The following THSD4 variants were observed in gnomAD, a reference collection of about 807,000 sequenced individuals.
THSD4 encodes the protein thrombospondin type-1 domain-containing protein 4.
Under a neutral mutation model 119.0 loss-of-function variants are expected in THSD4, and 69 were observed. That is an observed-to-expected ratio of 0.58 (90% CI 0.48 to 0.71). The LOEUF (loss-of-function observed/expected upper bound fraction) is 0.71, where lower values mean the gene tolerates loss of function less well. THSD4 is among the 30% of genes least tolerant of loss of function. The pLI is 0.00. For synonymous variants in THSD4, 524 were observed against 540.4 expected (o/e 0.97, Z 0.42); for missense variants, 1,393 against 1,391.1 (o/e 1.00, Z -0.02).
At chr15:71,411,537 T>A (rs1363649308) in intron 6 of THSD4, 150 bp from the exon 7 acceptor site, 1 of 755,180 alleles carries the variant, frequency 1.3e-6, no homozygotes, top group Non-Finnish European at 2.1e-6. Flanking sequence ...GAAGACTTAT[T>A]GAACTGTATA....
chr15:71,240,470 A>G (rs1440665396), intron 4 of THSD4, among the ~76,000 whole-genome samples: 2 of 152,174 alleles, frequency 1.3e-5, no homozygotes, highest in Admixed American at 6.5e-5. Flanking sequence ...GGCATCTCCC[A>G]GGAGCTTGTT....
At chr15:71,764,948 TC>T in intron 15 of THSD4, 71 bp from the exon 16 acceptor site, 1 of 1,524,216 alleles carries the variant, frequency 6.6e-7, no homozygotes. Flanking sequence ...GTCATAAGCA[TC>T]CCTTGATGGA....
rs79768555 is a variant in THSD4 at position 71,655,516 on chromosome 15, A to G, written c.1153-5014A>G. 9.2e-3 allele frequency among the ~76,000 whole-genome samples: 1,407 copies of G among 152,326 alleles called. 29 individuals are homozygous for G. The highest frequency in any genetic ancestry group is 0.032 in the African/African-American group (1,332 of 41,576). On this transcript the variant is annotated intron_variant, in intron 7 of 17. Transcript: ENST00000261862. Reference sequence around the variant, plus strand: ...TTCAGACAAAATAAAATACATAAAGACAAAGATGACAAAACCCAGCATTTT... The same window carrying G: ...TTCAGACAAAATAAAATACATAAAGGCAAAGATGACAAAACCCAGCATTTT...
At chr15:71,226,543 C>T (rs1396459124) in intron 4 of THSD4, among the ~76,000 whole-genome samples, 1 of 152,204 alleles carries the variant, frequency 6.6e-6, no homozygotes, top group African/African-American at 2.4e-5. Flanking sequence ...TTTTTCAGCT[C>T]CTCCTTTCCC....
At chr15:71,234,409 A>C (rs912722801) in intron 4 of THSD4, among the ~76,000 whole-genome samples, 1 of 152,154 alleles carries the variant, frequency 6.6e-6, no homozygotes, top group Non-Finnish European at 1.5e-5. Context: ...GGTTCAAGCA[A>C]TTCTTGTGCC....
At chr15:71,476,551 T>A (rs1315108413) in intron 7 of THSD4, among the ~76,000 whole-genome samples, 1 of 152,222 alleles carries the variant, frequency 6.6e-6, no homozygotes, top group African/African-American at 2.4e-5. Context: ...CAACCCCTTG[T>A]ATATCCCTGA....
chr15:71,758,056 T>G lies in THSD4; in HGVS notation c.2570T>G (p.Phe857Cys). 1 of 1,590,668 alleles carries G rather than the reference T, an allele frequency of 6.3e-7. No homozygotes were observed. The highest frequency in any genetic ancestry group is 8.6e-7 in the Non-Finnish European group (1 of 1,167,856). ...CCCTGCACGGGCAAGGTGGAGTGGT[T>G]TGCCGGGAGCTGGAGTCAGGTGAGT... ...NGPCTGKVEWFAGSWSQCSIE... is the reference protein window; with the variant it reads ...NGPCTGKVEWCAGSWSQCSIE... Residue 857 changes from phenylalanine to cysteine, a missense_variant, in exon 15 of 18, where the codon TTT becomes TGT. Coordinates refer to ENST00000261862, the MANE Select transcript of THSD4 (RefSeq NM_024817.3).
At chr15:71,282,033 G>T (rs1486752576) in intron 6 of THSD4, among the ~76,000 whole-genome samples, 2 of 152,188 alleles carry the variant, frequency 1.3e-5, no homozygotes, top group Non-Finnish European at 2.9e-5. Flanking sequence ...AGGTTTGGGA[G>T]AAGATTAAAT....
intron 7 of THSD4, among the ~76,000 whole-genome samples, chr15:71,485,175 C>T (rs4414447): frequency 0.17 from 26,551 of 152,104 alleles, 2,451 homozygotes; most frequent in Admixed American, 0.29. Flanking sequence ...CTAGGCCCCA[C>T]TGGCTCCACA....
intron 7 of THSD4, among the ~76,000 whole-genome samples, chr15:71,564,755 CATATAATACAATATATATT>C: frequency 1.6e-5 from 1 of 62,986 alleles, no homozygotes; most frequent in Admixed American, 1.5e-4. Context: ...TATAGTATAA[CATATAATACAATATATATT>C]GTATATTATA....
intron 8 of THSD4, among the ~76,000 whole-genome samples, chr15:71,694,424 T>C (rs542794791): frequency 1.3e-5 from 2 of 152,368 alleles, no homozygotes; most frequent in Admixed American, 1.3e-4. Context: ...CAACATATTT[T>C]CTTTTAACAT....
chr15:71,271,380 A>T (rs945340696), intron 6 of THSD4, among the ~76,000 whole-genome samples: 1 of 152,234 alleles, frequency 6.6e-6, no homozygotes, highest in South Asian at 2.1e-4. Flanking sequence ...ACAAGAGCAC[A>T]TACTGTCTGA....
chr15:71,353,326 A>C (rs1237978011), intron 6 of THSD4, among the ~76,000 whole-genome samples: 1 of 152,226 alleles, frequency 6.6e-6, no homozygotes, highest in Non-Finnish European at 1.5e-5. Context: ...TAAACAAGGC[A>C]TGTGGATAAA....
At chr15:71,530,316 C>T (rs1205932399) in intron 7 of THSD4, among the ~76,000 whole-genome samples, 2 of 152,136 alleles carry the variant, frequency 1.3e-5, no homozygotes, top group Admixed American at 6.5e-5. Flanking sequence ...GCAGTCAGAA[C>T]TCCCCAGTTC....
At chr15:71,425,749 A>G (rs892488238) in intron 7 of THSD4, among the ~76,000 whole-genome samples, 1 of 152,226 alleles carries the variant, frequency 6.6e-6, no homozygotes, top group Non-Finnish European at 1.5e-5. Flanking sequence ...GGTACTTGGT[A>G]CTCAATATGT....
chr15:71,151,528 A>G (rs2040722378), intron 2 of THSD4, among the ~76,000 whole-genome samples: 2 of 152,176 alleles, frequency 1.3e-5, no homozygotes, highest in Admixed American at 1.3e-4. Flanking sequence ...AGGTTATACA[A>G]TTCCCATTTT....
At chr15:71,532,592 G>T (rs1307135276) in intron 7 of THSD4, among the ~76,000 whole-genome samples, 1 of 151,968 alleles carries the variant, frequency 6.6e-6, no homozygotes, top group Non-Finnish European at 1.5e-5. Context: ...TGGGATTACA[G>T]GTGTGAGCCA....
At chr15:71,514,472 T>G (rs2048327209) in intron 7 of THSD4, among the ~76,000 whole-genome samples, 1 of 152,210 alleles carries the variant, frequency 6.6e-6, no homozygotes, top group Non-Finnish European at 1.5e-5. Flanking sequence ...CTCCTAGAGC[T>G]GCATATAAAT....
At chr15:71,733,971 T>TGTG (rs2053033189) in intron 10 of THSD4, 1 of 150,612 alleles carries the variant, frequency 6.6e-6, no homozygotes, top group Non-Finnish European at 1.5e-5. Context: ...TTGTTGTTGT[T>TGTG]GTTGTTGTTG....
Sources: gnomAD v4.1 joint callset for allele counts (sites outside exome capture counted in the v4.1 genomes callset) on GRCh38, gnomAD v4.1.1 for gene constraint, MANE v1.5 for transcripts, NCBI Gene and HGNC (gene_info 2026-07-23, HGNC 2026-07-21) for gene names.